The following RIMOC1 variants were observed in gnomAD, a reference collection of about 807,000 sequenced individuals.
RIMOC1 encodes RAB7A-interacting MON1-CCZ1 complex subunit 1.
At chr5:41,920,119 A>G in the RIMOC1 span, 4 of 152,056 alleles carry the variant, frequency 2.6e-5, no homozygotes, top group Non-Finnish European at 5.9e-5. Context: ...GAGAAAAGAG[A>G]ACTTTCTCTT....
At chr5:41,910,054 CA>C in the RIMOC1 span, among the ~76,000 whole-genome samples, 2 of 152,004 alleles carry the variant, frequency 1.3e-5, no homozygotes, top group Admixed American at 1.3e-4. Flanking sequence ...AATGTTGCAA[CA>C]AAAGTATCAT....
the RIMOC1 span, chr5:41,908,245 C>T: frequency 6.5e-6 from 1 of 153,252 alleles, no homozygotes; most frequent in African/African-American, 2.4e-5. Flanking sequence ...CTGCTAGTGT[C>T]ATGCATATCT....
the RIMOC1 span, chr5:41,904,374 G>T: frequency 1.2e-6 from 2 of 1,613,402 alleles, no homozygotes; most frequent in Non-Finnish European, 1.7e-6. Context: ...GGCCATGGCG[G>T]CCGCAGTCTC....
chr5:41,919,140 TCTAA>T, the RIMOC1 span: 1 of 152,204 alleles, frequency 6.6e-6, no homozygotes, highest in African/African-American at 2.4e-5. Context: ...AAACCTTGTT[TCTAA>T]CTGTCTATCA....
chr5:41,916,099 A>G, the RIMOC1 span, among the ~76,000 whole-genome samples: 41 of 152,358 alleles, frequency 2.7e-4, no homozygotes, highest in African/African-American at 9.9e-4. Flanking sequence ...TCACAGAAGC[A>G]CATTAGAATC....
chr5:41,910,571 C>T, the RIMOC1 span, among the ~76,000 whole-genome samples: 4 of 151,416 alleles, frequency 2.6e-5, no homozygotes, highest in Non-Finnish European at 5.9e-5. Context: ...TATTTTTTTT[C>T]TCTATTTATT....
At chr5:41,918,063 T>C in the RIMOC1 span, 1 of 985,604 alleles carries the variant, frequency 1.0e-6, no homozygotes, top group Non-Finnish European at 1.2e-6. Flanking sequence ...TTTTTTGCCT[T>C]TAATAATAGG....
At chr5:41,909,418 T>C in the RIMOC1 span, among the ~76,000 whole-genome samples, 2 of 152,150 alleles carry the variant, frequency 1.3e-5, no homozygotes, top group African/African-American at 4.8e-5. Flanking sequence ...TCAGGGGTTA[T>C]ATAAGTAGTA....
chr5:41,904,372 C>T, the RIMOC1 span: 11 of 1,613,090 alleles, frequency 6.8e-6, no homozygotes, highest in East Asian at 6.7e-5. Context: ...GTGGCCATGG[C>T]GGCCGCAGTC....
At chr5:41,905,391 C>G in the RIMOC1 span, among the ~76,000 whole-genome samples, 1 of 152,108 alleles carries the variant, frequency 6.6e-6, no homozygotes, top group East Asian at 1.9e-4. Context: ...CAGGCTGGAG[C>G]CCCTCTAGTA....
the RIMOC1 span, among the ~76,000 whole-genome samples, chr5:41,908,604 T>C: frequency 1.8e-4 from 27 of 152,126 alleles, no homozygotes; most frequent in East Asian, 9.6e-4. Flanking sequence ...TCAAACACCA[T>C]GGATGAGTAA....
chr5:41,907,231 TGTA>T, the RIMOC1 span, among the ~76,000 whole-genome samples: 1 of 152,202 alleles, frequency 6.6e-6, no homozygotes. Flanking sequence ...TAATTTTAAT[TGTA>T]GTAGATATAA....
the RIMOC1 span, among the ~76,000 whole-genome samples, chr5:41,915,407 A>G: frequency 6.6e-6 from 1 of 152,236 alleles, no homozygotes; most frequent in Non-Finnish European, 1.5e-5. Flanking sequence ...GGGTACAAAC[A>G]TACAGTTAGA....
the RIMOC1 span, chr5:41,916,378 A>T: frequency 4.5e-6 from 4 of 897,668 alleles, no homozygotes; most frequent in Non-Finnish European, 5.3e-6. Context: ...TGCCTACTGG[A>T]AAAACTACCC....
chr5:41,917,183 G>A, the RIMOC1 span: 1 of 1,613,750 alleles, frequency 6.2e-7, no homozygotes, highest in Non-Finnish European at 8.5e-7. Flanking sequence ...CCGAGAAGTA[G>A]GAGAAAAAAT....
the RIMOC1 span, among the ~76,000 whole-genome samples, chr5:41,906,194 C>T: frequency 6.6e-6 from 1 of 152,124 alleles, no homozygotes; most frequent in East Asian, 1.9e-4. Context: ...AATTTCTAGC[C>T]AATTTTTGTT....
the RIMOC1 span, among the ~76,000 whole-genome samples, chr5:41,907,067 G>GA: frequency 1.5e-4 from 23 of 151,794 alleles, no homozygotes; most frequent in Non-Finnish European, 1.3e-4. Context: ...TAGAGAAAGG[G>GA]AAAAAAAATC....
the RIMOC1 span, chr5:41,904,355 G>C: frequency 3.1e-6 from 5 of 1,612,874 alleles, no homozygotes; most frequent in Non-Finnish European, 4.2e-6. Context: ...GGGCGCACCC[G>C]CCGATTGTGG....
At chr5:41,913,585 A>G in the RIMOC1 span, among the ~76,000 whole-genome samples, 1 of 152,212 alleles carries the variant, frequency 6.6e-6, no homozygotes, top group African/African-American at 2.4e-5. Context: ...AAACCTTTTT[A>G]TACTTCATCT....
Sources: allele counts gnomAD v4.1 joint callset (sites outside exome capture counted in the v4.1 genomes callset), GRCh38; gene constraint gnomAD v4.1.1; transcripts MANE v1.5; gene names NCBI Gene and HGNC (gene_info 2026-07-23, HGNC 2026-07-21).